CAMK1D: variants seen among roughly 807,000 people sequenced by gnomAD.
CAMK1D encodes calcium/calmodulin-dependent protein kinase type 1D.
CAMK1D carries 9 observed loss-of-function variants against 47.7 expected under a neutral mutation model. The observed-to-expected ratio is 0.19, with a 90% CI of 0.11 to 0.33. CAMK1D has a LOEUF of 0.33. CAMK1D is among the 10% of genes least tolerant of loss of function. The probability of loss-of-function intolerance (pLI) is 1.00; values close to 1 mark genes in which losing one functional copy is unlikely to be tolerated. For missense variants in CAMK1D, 291 were observed against 488.7 expected (o/e 0.60, Z 3.81); for synonymous variants, 184 against 184.9 (o/e 0.99, Z 0.04).
At chr10:12,708,898 G>A (rs999476865) in intron 3 of CAMK1D, among the ~76,000 whole-genome samples, 7 of 152,248 alleles carry the variant, frequency 4.6e-5, no homozygotes, top group African/African-American at 1.7e-4. Flanking sequence ...GAGAGGCCGA[G>A]GCAGGAGGAT....
At chr10:12,627,562 C>T (rs146589107) in intron 2 of CAMK1D, among the ~76,000 whole-genome samples, 1 of 152,272 alleles carries the variant, frequency 6.6e-6, no homozygotes, top group East Asian at 1.9e-4. Context: ...ACCCACTGTC[C>T]TGTACAACCA....
At chr10:12,801,262 T>TCCATCCGTCC (rs879334771) in intron 6 of CAMK1D, among the ~76,000 whole-genome samples, 71 of 146,378 alleles carry the variant, frequency 4.9e-4, no homozygotes, top group East Asian at 4.2e-3. Context: ...TCCATCCATC[T>TCCATCCGTCC]GTCCGTCCAT....
chr10:12,568,841 T>TGCCTC (rs1222708865), intron 2 of CAMK1D, among the ~76,000 whole-genome samples: 1 of 152,188 alleles, frequency 6.6e-6, no homozygotes, highest in African/African-American at 2.4e-5. Flanking sequence ...GTGCGTGCTT[T>TGCCTC]GCCTCCCGGA....
At chr10:12,425,923 G>T (rs1475582841) in intron 1 of CAMK1D, among the ~76,000 whole-genome samples, 1 of 152,228 alleles carries the variant, frequency 6.6e-6, no homozygotes, top group Non-Finnish European at 1.5e-5. Context: ...ACTGGTGGAA[G>T]AACTGAGAAA....
chr10:12,793,899 A>T (rs1413559150), intron 6 of CAMK1D, among the ~76,000 whole-genome samples: 1 of 152,250 alleles, frequency 6.6e-6, no homozygotes, highest in Non-Finnish European at 1.5e-5. Context: ...GCTAGATAGT[A>T]TCAAGACAAT....
In CAMK1D at chr10:12,666,711, T is replaced by G. The variant is rs1219607978; in HGVS notation, c.225-25T>G. On this transcript the variant is annotated intron_variant, in intron 2 of 10. Transcript: ENST00000619168. ...TTTCCTATCTAATCATACTCACTAT[T>G]TTGTGCGTCTATTTTTTTTTTCAGG... 2.5e-6 allele frequency: 4 copies of G among 1,583,882 alleles called. No homozygotes were observed. In the East Asian group the frequency reaches 8.9e-5, roughly 35 times the overall value.
chr10:12,708,576 G>C (rs566592931), intron 3 of CAMK1D, among the ~76,000 whole-genome samples: 4 of 152,084 alleles, frequency 2.6e-5, no homozygotes, highest in Non-Finnish European at 4.4e-5. Flanking sequence ...AGCTTCAGAC[G>C]GCCTCAGCAA....
At position 12,615,874 on chromosome 10, in the gene CAMK1D, A is replaced by G. The variant is rs200318747; in HGVS notation, c.225-50862A>G. ...TGTAGGTGTGTATGCATGTATGTGT[A>G]TAAGTGTATGCATAAGTGAGAGCAT... On this transcript the variant is annotated intron_variant, in intron 2 of 10. Transcript: ENST00000619168. 2.7e-3 allele frequency among the ~76,000 whole-genome samples: 347 copies of G among 129,966 alleles called. 4 individuals carry two copies. The highest frequency in any genetic ancestry group is 8.9e-3 in the African/African-American group (329 of 37,048). 85.3% of individuals were successfully genotyped at this position (129,966 alleles called of 152,430 possible). A position where few individuals can be genotyped will look rare whatever the true frequency, so the allele number is the denominator to read the frequency against.
At chr10:12,639,833 GATATAT>G (rs367946942) in intron 2 of CAMK1D, among the ~76,000 whole-genome samples, 10 of 151,492 alleles carry the variant, frequency 6.6e-5, no homozygotes, top group African/African-American at 2.2e-4. Context: ...TGACTAAGTG[GATATAT>G]ATATATATTT....
chr10:12,732,406 T>C (rs575325232), intron 3 of CAMK1D, among the ~76,000 whole-genome samples: 10 of 152,250 alleles, frequency 6.6e-5, no homozygotes, highest in South Asian at 4.1e-4. Flanking sequence ...CTGTGTATTA[T>C]TAGTCCATTT....
chr10:12,709,959 C>T (rs967922920), intron 3 of CAMK1D, among the ~76,000 whole-genome samples: 4 of 152,178 alleles, frequency 2.6e-5, no homozygotes, highest in Non-Finnish European at 5.9e-5. Flanking sequence ...GTTTCCCCAG[C>T]TCTGGAGTCA....
intron 3 of CAMK1D, among the ~76,000 whole-genome samples, chr10:12,679,377 T>C (rs1236355530): frequency 1.3e-5 from 2 of 152,220 alleles, no homozygotes; most frequent in African/African-American, 4.8e-5. Flanking sequence ...ATATATGTAA[T>C]GTCACAAAGT....
intron 1 of CAMK1D, among the ~76,000 whole-genome samples, chr10:12,387,374 TTATATATTA>T (rs1838535448): frequency 2.7e-5 from 1 of 37,718 alleles, no homozygotes; most frequent in Non-Finnish European, 9.5e-5. Context: ...AATATATATA[TTATATATTA>T]TATATATTAT....
intron 3 of CAMK1D, among the ~76,000 whole-genome samples, chr10:12,688,524 A>G (rs1588792586): frequency 1.3e-5 from 2 of 151,960 alleles, no homozygotes; most frequent in Non-Finnish European, 1.5e-5. Flanking sequence ...TTTTCTTGCC[A>G]TGTTTGCAGA....
At chr10:12,590,047 C>A (rs1837951242) in intron 2 of CAMK1D, among the ~76,000 whole-genome samples, 1 of 152,146 alleles carries the variant, frequency 6.6e-6, no homozygotes, top group African/African-American at 2.4e-5. Flanking sequence ...GCAAGCTGAT[C>A]CTTCTCTAGA....
At chr10:12,589,024 C>A (rs1417439637) in intron 2 of CAMK1D, among the ~76,000 whole-genome samples, 3 of 151,948 alleles carry the variant, frequency 2.0e-5, no homozygotes, top group African/African-American at 7.3e-5. Flanking sequence ...ATATTTGAGA[C>A]AGGGTCTTGC....
rs140411468 is a variant in CAMK1D at position 12,827,538 on chromosome 10, CT to C, written c.1040-1227del. ...TCTTTCTTTCTTTCTTTCTTTCTTT[CT>C]TTTCTTGTCTTTCTTCTCCTCTCCT... On this transcript the variant is annotated intron_variant, in intron 10 of 10. Coordinates refer to ENST00000619168, the MANE Select transcript of CAMK1D (RefSeq NM_153498.4). 5.3e-3 allele frequency among the ~76,000 whole-genome samples: 20 copies of C among 3,742 alleles called. 4 individuals carry two copies. Among genetic ancestry groups the C allele is most frequent in the Non-Finnish European group, 6.5e-3 (10 of 1,538 alleles). The allele number at this position is 3,742 out of a possible 152,430, so 2.5% of individuals were successfully genotyped here.
chr10:12,744,010 G>A (rs1835552259), intron 3 of CAMK1D, among the ~76,000 whole-genome samples: 1 of 147,076 alleles, frequency 6.8e-6, no homozygotes, highest in Non-Finnish European at 1.5e-5. Flanking sequence ...GTAACAGAGT[G>A]AGACTCCGTT....
intron 1 of CAMK1D, among the ~76,000 whole-genome samples, chr10:12,476,246 C>T (rs1180665605): frequency 6.7e-6 from 1 of 148,870 alleles, no homozygotes; most frequent in East Asian, 2.0e-4. Flanking sequence ...GAGCCGAGAT[C>T]ACACCACCGC....
Sources: allele counts gnomAD v4.1 joint callset (sites outside exome capture counted in the v4.1 genomes callset), GRCh38; gene constraint gnomAD v4.1.1; transcripts MANE v1.5; gene names NCBI Gene and HGNC (gene_info 2026-07-23, HGNC 2026-07-21).